The following C12orf42 variants were observed in gnomAD, a reference collection of about 807,000 sequenced individuals.
C12orf42 encodes chromosome 12 open reading frame 42.
Under a neutral mutation model 21.6 loss-of-function variants are expected in C12orf42, and 25 were observed. The ratio of observed to expected loss-of-function variants is 1.16; its 90% CI spans 0.84 to 1.62. The LOEUF is 1.62. C12orf42 is among the 40% of genes most tolerant of loss of function. C12orf42 has a pLI of 0.00. For missense variants in C12orf42, 483 were observed against 459.3 expected, an observed-to-expected ratio of 1.05 and a Z score of -0.47; for synonymous variants, 174 against 175.0, an observed-to-expected ratio of 0.99 and a Z score of 0.05.
At chr12:103,333,462 C>G (rs888450782) in intron 4 of C12orf42, among the ~76,000 whole-genome samples, 1 of 152,186 alleles carries the variant, frequency 6.6e-6, no homozygotes, top group Admixed American at 6.5e-5. Flanking sequence ...AAAGCTCACT[C>G]TTTAGAAAAA....
chr12:103,299,180 T>C (rs1193361120), downstream of C12orf42, among the ~76,000 whole-genome samples: 1 of 151,998 alleles, frequency 6.6e-6, no homozygotes, highest in Non-Finnish European at 1.5e-5. Context: ...ATACAGTTTT[T>C]AAAAAAATAT....
At chr12:103,553,110 C>T in the C12orf42 span, among the ~76,000 whole-genome samples, 1 of 152,044 alleles carries the variant, frequency 6.6e-6, no homozygotes, top group Non-Finnish European at 1.5e-5. Flanking sequence ...AATTATTTGT[C>T]GCGGGGGCTG....
At chr12:103,298,846 C>T (rs2037472209), downstream of C12orf42, among the ~76,000 whole-genome samples, 1 of 152,302 alleles carries the variant, frequency 6.6e-6, no homozygotes, top group South Asian at 2.1e-4. Flanking sequence ...ACCTTTCCTT[C>T]CCTTATTTTC....
Position 103,240,600 on chromosome 12 carries a change from T to A in C12orf42, c.*1367-2698A>T, listed in dbSNP as rs536698254. ...GTGTGTAGGCTTATAGTTGGAGTCT[T>A]TATTTAATGCCAGAACCGCTGTTTC... On this transcript the variant is annotated intron_variant and NMD_transcript_variant, in intron 10 of 10. Coordinates refer to the C12orf42 transcript ENST00000547347. Among the ~76,000 whole-genome samples, 6 of 152,254 alleles carry A rather than the reference T, an allele frequency of 3.9e-5. No homozygotes were observed. In the South Asian group the frequency reaches 1.2e-3, roughly 32 times the overall value.
intron 5 of C12orf42, among the ~76,000 whole-genome samples, chr12:103,273,350 T>C (rs1196519586): frequency 1.3e-5 from 2 of 152,190 alleles, no homozygotes; most frequent in African/African-American, 2.4e-5. Flanking sequence ...CATACATATA[T>C]ACTATATAAT....
the C12orf42 span, among the ~76,000 whole-genome samples, chr12:103,127,505 G>A: frequency 6.6e-6 from 1 of 152,118 alleles, no homozygotes; most frequent in Admixed American, 6.6e-5. Flanking sequence ...AAGTGTGTGT[G>A]TATATATGTA....
chr12:103,355,824 T>C (rs2043496544), intron 4 of C12orf42, among the ~76,000 whole-genome samples: 1 of 152,092 alleles, frequency 6.6e-6, no homozygotes. Context: ...CCCTTAGTAT[T>C]GGATGCTAAC....
chr12:103,346,804 T>C (rs2042661997), intron 4 of C12orf42, among the ~76,000 whole-genome samples: 1 of 152,204 alleles, frequency 6.6e-6, no homozygotes, highest in South Asian at 2.1e-4. Context: ...AGGTACCATC[T>C]TGACAGAACT....
the C12orf42 span, among the ~76,000 whole-genome samples, chr12:103,161,128 G>C: frequency 1.3e-5 from 2 of 152,270 alleles, no homozygotes; most frequent in Admixed American, 1.3e-4. Context: ...AGTGGGGCAG[G>C]CTTTCCACTC....
chr12:103,093,556 G>A, the C12orf42 span, among the ~76,000 whole-genome samples: 1 of 152,228 alleles, frequency 6.6e-6, no homozygotes, highest in African/African-American at 2.4e-5. Context: ...TGGAGGGAAA[G>A]GTGAGAGGAA....
At chr12:103,192,021 CA>C in the C12orf42 span, among the ~76,000 whole-genome samples, 1 of 151,388 alleles carries the variant, frequency 6.6e-6, no homozygotes, top group Non-Finnish European at 1.5e-5. Context: ...TATATTGCTA[CA>C]AAAAATCATC....
chr12:103,541,068 T>C, the C12orf42 span, among the ~76,000 whole-genome samples: 2 of 152,122 alleles, frequency 1.3e-5, no homozygotes, highest in African/African-American at 4.8e-5. Flanking sequence ...TATGCCTGGC[T>C]AATTTTTTAT....
At chr12:103,396,107 T>C (rs2047510439) in intron 3 of C12orf42, among the ~76,000 whole-genome samples, 2 of 151,628 alleles carry the variant, frequency 1.3e-5, no homozygotes, top group Middle Eastern at 3.5e-3. Flanking sequence ...AGTTATAACA[T>C]AATAGTTGAT....
At chr12:103,512,208 G>T in the C12orf42 span, among the ~76,000 whole-genome samples, 13 of 152,240 alleles carry the variant, frequency 8.5e-5, 1 homozygote, top group Admixed American at 5.9e-4. Flanking sequence ...TGCACAGAAA[G>T]ACAACTATTG....
intron 4 of C12orf42, among the ~76,000 whole-genome samples, chr12:103,362,761 G>A (rs1182160989): frequency 6.6e-6 from 1 of 152,004 alleles, no homozygotes; most frequent in Non-Finnish European, 1.5e-5. Context: ...AGAGTTCGAA[G>A]ACAAGGTTTT....
the C12orf42 span, among the ~76,000 whole-genome samples, chr12:103,062,913 C>T: frequency 6.6e-6 from 1 of 151,990 alleles, no homozygotes; most frequent in Admixed American, 6.6e-5. Context: ...ATGTCTCCTG[C>T]GTTTTTTTAT....
chr12:103,137,879 G>A, the C12orf42 span, among the ~76,000 whole-genome samples: 3 of 152,024 alleles, frequency 2.0e-5, no homozygotes, highest in African/African-American at 4.8e-5. Flanking sequence ...GGGTGTGTGG[G>A]GGTGGGGGCA....
At chr12:103,490,796 G>A (rs1955137074) in intron 1 of C12orf42, among the ~76,000 whole-genome samples, 1 of 151,702 alleles carries the variant, frequency 6.6e-6, no homozygotes, top group African/African-American at 2.4e-5. Context: ...ATAAGGAGTA[G>A]TTTTATAATA....
chr12:103,245,453 T>C (rs1435843737), intron 10 of C12orf42, among the ~76,000 whole-genome samples: 1 of 152,068 alleles, frequency 6.6e-6, no homozygotes, highest in Non-Finnish European at 1.5e-5. Context: ...GTCAATTAAC[T>C]TTTCTGAGCT....
Sources: allele counts gnomAD v4.1 joint callset (sites outside exome capture counted in the v4.1 genomes callset), GRCh38; gene constraint gnomAD v4.1.1; transcripts MANE v1.5; gene names NCBI Gene and HGNC (gene_info 2026-07-23, HGNC 2026-07-21).